The following BACE1 variants were observed in gnomAD, a reference collection of about 807,000 sequenced individuals.
BACE1 encodes the protein beta-secretase 1, also known as APP beta-secretase.
In BACE1, 21 loss-of-function variants were observed where a neutral mutation model predicts 54.0. That is an observed-to-expected ratio of 0.39 (90% confidence interval 0.28 to 0.56). The LOEUF (loss-of-function observed/expected upper bound fraction) is 0.56, where lower values mean the gene tolerates loss of function less well. Ranked by LOEUF, BACE1 falls within the 20% of genes least tolerant of loss-of-function variation. The pLI, the probability that BACE1 is intolerant of heterozygous loss-of-function variation, is 0.63. For missense variants in BACE1, 511 were observed against 661.2 expected (o/e 0.77, Z 2.49); for synonymous variants, 232 against 260.9 (o/e 0.89, Z 1.07).
chr11:117,300,491 G>A (rs1477827797), intron 1 of BACE1, among the ~76,000 whole-genome samples: 6 of 152,290 alleles, frequency 3.9e-5, no homozygotes, highest in South Asian at 2.1e-4. Context: ...GGACGGGCCC[G>A]AGGCAAGGCT....
At chr11:117,300,309 T>C (rs893314164) in intron 1 of BACE1, among the ~76,000 whole-genome samples, 2 of 152,172 alleles carry the variant, frequency 1.3e-5, no homozygotes, top group Admixed American at 1.3e-4. Context: ...ACAGTTGGGC[T>C]TCTCTCCCGA....
At chr11:117,300,900 T>C (rs900098033) in intron 1 of BACE1, among the ~76,000 whole-genome samples, 3 of 152,082 alleles carry the variant, frequency 2.0e-5, no homozygotes, top group African/African-American at 4.8e-5. Context: ...TTCCTTAATC[T>C]CACATCCGCC....
intron 8 of BACE1, 95 bp from the exon 9 acceptor site, chr11:117,289,902 T>C (rs1256107172): frequency 8.9e-7 from 1 of 1,121,510 alleles, no homozygotes; most frequent in African/African-American, 1.5e-5. Context: ...AATTAGCCCA[T>C]GCAGAAGTTA....
chr11:117,300,633 T>C (rs989886329), intron 1 of BACE1, among the ~76,000 whole-genome samples: 12 of 152,174 alleles, frequency 7.9e-5, no homozygotes, highest in African/African-American at 2.9e-4. Context: ...GGCCAGGGGA[T>C]GAGACTGCCC....
chr11:117,311,852 G>A (rs994528399), intron 1 of BACE1, among the ~76,000 whole-genome samples: 6 of 152,036 alleles, frequency 3.9e-5, no homozygotes, highest in African/African-American at 1.4e-4. Flanking sequence ...TATTGGCCAG[G>A]TTGGTCTCGA....
chr11:117,308,902 A>G (rs1043824767), intron 1 of BACE1, among the ~76,000 whole-genome samples: 3 of 152,182 alleles, frequency 2.0e-5, no homozygotes, highest in African/African-American at 7.2e-5. Context: ...CAGTGAGCTG[A>G]GATCGCGCCA....
Position 117,308,718 on chromosome 11 carries a change from G to C in BACE1, c.261+6817C>G, listed in dbSNP as rs368480907. ...TAATCCTAAGACTTTGGGAGGCTGA[G>C]GCGGGCGGTCACTTGAGGTCAGGAG... On this transcript the variant is annotated intron_variant, in intron 1 of 8. Coordinates refer to ENST00000313005, the MANE Select transcript of BACE1 (RefSeq NM_012104.6). Among the ~76,000 whole-genome samples the C allele has an allele frequency of 6.6e-5, 10 of 152,248 alleles. No individual in the cohort carries two copies. In the East Asian group the frequency reaches 1.5e-3, roughly 23 times the overall value.
intron 1 of BACE1, among the ~76,000 whole-genome samples, chr11:117,300,504 G>C (rs1408473438): frequency 2.6e-5 from 4 of 152,194 alleles, no homozygotes; most frequent in African/African-American, 7.2e-5. Flanking sequence ...GCAAGGCTGA[G>C]GCACTGCTTG....
At chr11:117,305,949 T>C (rs2034824702) in intron 1 of BACE1, among the ~76,000 whole-genome samples, 1 of 152,030 alleles carries the variant, frequency 6.6e-6, no homozygotes, top group African/African-American at 2.4e-5. Context: ...AGCAGGAGAA[T>C]GGCGTGAACC....
chr11:117,301,368 A>C (rs2034721283), intron 1 of BACE1, among the ~76,000 whole-genome samples: 1 of 152,312 alleles, frequency 6.6e-6, no homozygotes, highest in East Asian at 1.9e-4. Flanking sequence ...AGGCGAGAGG[A>C]TCACTTGAGG....
At position 117,296,890 on chromosome 11, in the gene BACE1, G is replaced by T. The variant is rs1238500284; in HGVS notation, c.333C>A (p.Arg111=). ...VGAAPHPFLH[R]YYQRQLSSTY... ...GGACTCACAGCTGCCTCTGGTAGTAGCGATGCAGGAAGGGGTGGGGGGCAG... is the reference window on the plus strand; with the variant it reads ...GGACTCACAGCTGCCTCTGGTAGTATCGATGCAGGAAGGGGTGGGGGGCAG... The change falls in exon 2 of 9, where the codon CGC becomes CGA. Residue 111 remains arginine, a synonymous_variant. Transcript: ENST00000313005. The T allele has an allele frequency of 6.2e-7, 1 of 1,613,380 alleles. No homozygotes were observed. Among genetic ancestry groups the T allele is most frequent in the African/African-American group, 1.3e-5 (1 of 74,902 alleles).
rs527408596 is a variant in BACE1 at position 117,311,701 on chromosome 11, C to T, written c.261+3834G>A. On this transcript the variant is annotated intron_variant, in intron 1 of 8. Transcript: ENST00000313005. ...TGTCACCCAGGCTGGAGTGCAGTGG[C>T]GCAATCTCAGCTCACTGCAACCTCT... Among the ~76,000 whole-genome samples, 308 of 152,198 alleles carry T rather than the reference C, an allele frequency of 2.0e-3. 3 individuals carry two copies. Among genetic ancestry groups the T allele is most frequent in the African/African-American group, 6.1e-3 (253 of 41,532 alleles).
intron 1 of BACE1, among the ~76,000 whole-genome samples, chr11:117,303,238 G>A (rs777037226): frequency 7.2e-5 from 11 of 152,154 alleles, no homozygotes; most frequent in Non-Finnish European, 1.5e-4. Flanking sequence ...GGGAGTCATC[G>A]TCTTTGTCCC....
In BACE1 at chr11:117,295,339, G is replaced by A. The variant is rs1464957658; in HGVS notation, c.359C>T (p.Thr120Ile). The change falls in exon 3 of 9, where the codon ACA becomes ATA. Residue 120 changes from threonine to isoleucine, a missense_variant. Coordinates refer to ENST00000313005, the MANE Select transcript of BACE1 (RefSeq NM_012104.6). ...HRYYQRQLSS[T>I]YRDLRKGVYV... ...CACACCCTTCCGGAGGTCCCGGTAT[G>A]TGCTGGACCTGTGGAAAGAAGGCAG... is the stretch of plus-strand genomic sequence containing the variant. 1 of 1,611,598 alleles carries A rather than the reference G, an allele frequency of 6.2e-7. No homozygotes were observed. Among genetic ancestry groups the A allele is most frequent in the Non-Finnish European group, 8.5e-7 (1 of 1,177,832 alleles).
chr11:117,296,362 T>C (rs2034599499), intron 2 of BACE1, among the ~76,000 whole-genome samples: 1 of 152,018 alleles, frequency 6.6e-6, no homozygotes, highest in Non-Finnish European at 1.5e-5. Context: ...TCAGTTCTGA[T>C]ACTGGTCTAG....
At chr11:117,307,152 C>T (rs1406541601) in intron 1 of BACE1, among the ~76,000 whole-genome samples, 1 of 152,198 alleles carries the variant, frequency 6.6e-6, no homozygotes, top group African/African-American at 2.4e-5. Context: ...GGTGCTGTCG[C>T]ATCCTGCCAG....
At chr11:117,313,425 G>A (rs186532318) in intron 1 of BACE1, among the ~76,000 whole-genome samples, 6 of 152,102 alleles carry the variant, frequency 3.9e-5, no homozygotes, top group East Asian at 1.9e-4. Context: ...TGGATACCCC[G>A]TTTTTGTTTT....
chr11:117,291,655 C>T, intron 6 of BACE1, 57 bp downstream of exon 6: 2 of 1,284,002 alleles, frequency 1.6e-6, no homozygotes. Context: ...ATGTGACTCT[C>T]ACCGCCTCCC....
chr11:117,301,372 C>T (rs1448847748), intron 1 of BACE1, among the ~76,000 whole-genome samples: 2 of 152,202 alleles, frequency 1.3e-5, no homozygotes, highest in African/African-American at 2.4e-5. Flanking sequence ...GAGAGGATCA[C>T]TTGAGGCCAG....
Sources: allele counts gnomAD v4.1 joint callset (sites outside exome capture counted in the v4.1 genomes callset), GRCh38; gene constraint gnomAD v4.1.1; transcripts MANE v1.5; gene names NCBI Gene and HGNC (gene_info 2026-07-23, HGNC 2026-07-21).